Variants in USP44 observed in about 807,000 individuals in gnomAD.
USP44 encodes ubiquitin carboxyl-terminal hydrolase 44.
USP44 carries 61 observed loss-of-function variants against 69.0 expected under a neutral mutation model. The observed-to-expected ratio is 0.88, with a 90% confidence interval of 0.72 to 1.09. USP44 has a LOEUF of 1.09. Ranked by LOEUF, USP44 falls within the 50% of genes least tolerant of loss-of-function variation. The pLI, the probability that USP44 is intolerant of heterozygous loss-of-function variation, is 0.00. For missense variants in USP44, 753 were observed against 849.9 expected (o/e 0.89, Z 1.42); for synonymous variants, 297 against 295.4 (o/e 1.01, Z -0.06).
rs2076495957 is a variant in USP44 at position 95,517,090 on chromosome 12, CTT to C, written c.*1062_*1063del. ...TTTTTGTGCAAGTTTAGATAGATAG[CTT>C]TTAGTTTTTTTTTTTTTTTTTAATG... On this transcript the variant is annotated 3_prime_UTR_variant, in exon 6 of 6. Coordinates refer to ENST00000258499, the MANE Select transcript of USP44 (RefSeq NM_032147.5). The C allele has an allele frequency of 6.9e-6, 1 of 145,676 alleles. No homozygotes were observed. The highest frequency in any genetic ancestry group is 6.9e-5 in the Admixed American group (1 of 14,574). 9.0% of individuals were successfully genotyped at this position (145,676 alleles called of 1,614,324 possible).
rs1159899125 is a variant in USP44 at position 95,532,903 on chromosome 12, T to A, written c.1354A>T (p.Thr452Ser). Residue 452 changes from threonine to serine, a missense_variant, in exon 2 of 6, where the codon ACT becomes TCT. Transcript: ENST00000258499. ...TGTTTGATGAGTTTCCTTTGAGAAG[T>A]GGGGATAAGAGCTGGTAAACTGGTA... ...TGTSLPALIP[T>S]SQRKLIKQVL... 6.2e-7 allele frequency: 1 copy of A among 1,612,790 alleles called. No individual in the cohort carries two copies. Among genetic ancestry groups the A allele is most frequent in the Non-Finnish European group, 8.5e-7 (1 of 1,179,682 alleles).
At chr12:95,525,206 G>T (rs982601386) in intron 3 of USP44, among the ~76,000 whole-genome samples, 2 of 152,070 alleles carry the variant, frequency 1.3e-5, no homozygotes, top group Non-Finnish European at 1.5e-5. Flanking sequence ...CATGTAACTG[G>T]GACTATAGGT....
At chr12:95,551,143 C>T (rs567601933) in intron 1 of USP44, 129 bp downstream of exon 1, 1 of 152,154 alleles carries the variant, frequency 6.6e-6, no homozygotes, top group Admixed American at 6.5e-5. Flanking sequence ...TCATTCTTCT[C>T]CTTAAATTTT....
intron 1 of USP44, among the ~76,000 whole-genome samples, chr12:95,549,388 C>G (rs1197063883): frequency 6.6e-6 from 1 of 152,050 alleles, no homozygotes; most frequent in Non-Finnish European, 1.5e-5. Flanking sequence ...TCTAGAACTG[C>G]CTAACCCGAA....
chr12:95,539,710 T>A (rs946686888), intron 1 of USP44, among the ~76,000 whole-genome samples: 1 of 152,234 alleles, frequency 6.6e-6, no homozygotes, highest in African/African-American at 2.4e-5. Flanking sequence ...GCATGCATTT[T>A]AAAAATTCCC....
rs2076498590 is a variant in USP44 at position 95,517,127 on chromosome 12, AGT to A, written c.*1025_*1026del. ...TTTTTTTTTTTTAATGCTCAGGGCC[AGT>A]GTTTTAAGAGGCTCCTACCTAGTAG... is the stretch of plus-strand genomic sequence containing the variant. On this transcript the variant is annotated 3_prime_UTR_variant, in exon 6 of 6. Transcript: ENST00000258499. 1 of 148,056 alleles carries A rather than the reference AGT, an allele frequency of 6.8e-6. No homozygotes were observed. The highest frequency in any genetic ancestry group is 2.5e-5 in the African/African-American group (1 of 39,718). The allele number at this position is 148,056 out of a possible 1,614,324, so 9.2% of individuals were successfully genotyped here. A position where few individuals can be genotyped will look rare whatever the true frequency, so the allele number is the denominator to read the frequency against.
intron 2 of USP44, 28 bp downstream of exon 2, chr12:95,532,801 T>C: frequency 6.5e-7 from 1 of 1,533,302 alleles, no homozygotes; most frequent in Non-Finnish European, 8.8e-7. Context: ...CTCCCAATGA[T>C]GAAAATAAGA....
intron 4 of USP44, among the ~76,000 whole-genome samples, chr12:95,523,047 T>G (rs920405202): frequency 3.3e-5 from 5 of 152,100 alleles, no homozygotes; most frequent in African/African-American, 1.2e-4. Flanking sequence ...TAGCTAACCA[T>G]GCTGAAGTCC....
chr12:95,535,560 C>T (rs1221813615), intron 1 of USP44: 1 of 152,142 alleles, frequency 6.6e-6, no homozygotes, highest in Admixed American at 6.5e-5. Context: ...TACATTCTAG[C>T]AGGCCTAAAC....
In USP44 at chr12:95,516,635, T is replaced by C. The variant is rs1433550395; in HGVS notation, c.*1519A>G. 6.6e-6 allele frequency: 1 copy of C among 152,210 alleles called. No homozygotes were observed. Among genetic ancestry groups the C allele is most frequent in the Non-Finnish European group, 1.5e-5 (1 of 68,038 alleles). 9.4% of individuals were successfully genotyped at this position (152,210 alleles called of 1,614,324 possible). ...TTGAGGTAACAACTTGCATAGGTAT[T>C]ATGAACAATTTTAAACATAGCCATT... On this transcript the variant is annotated 3_prime_UTR_variant, in exon 6 of 6. Coordinates refer to ENST00000258499, the MANE Select transcript of USP44 (RefSeq NM_032147.5).
At chr12:95,526,682 T>C (rs535142930) in intron 3 of USP44, among the ~76,000 whole-genome samples, 1 of 152,224 alleles carries the variant, frequency 6.6e-6, no homozygotes, top group Non-Finnish European at 1.5e-5. Context: ...TCAATTGATA[T>C]AACATTTCTT....
intron 1 of USP44, among the ~76,000 whole-genome samples, chr12:95,540,264 CT>C (rs1187127120): frequency 1.3e-5 from 2 of 152,008 alleles, no homozygotes; most frequent in African/African-American, 4.8e-5. Context: ...GTATTTTTCT[CT>C]AACAGATACT....
chr12:95,530,646 T>TATAGGTAGATAG (rs1555199778), intron 2 of USP44, among the ~76,000 whole-genome samples: 2 of 147,336 alleles, frequency 1.4e-5, no homozygotes, highest in African/African-American at 5.0e-5. Flanking sequence ...CTACTGGAAA[T>TATAGGTAGATAG]ATAGATAGAT....
chr12:95,525,211 A>T (rs939411814), intron 3 of USP44, among the ~76,000 whole-genome samples: 3 of 152,286 alleles, frequency 2.0e-5, no homozygotes, highest in Non-Finnish European at 2.9e-5. Flanking sequence ...AACTGGGACT[A>T]TAGGTGCGTG....
chr12:95,550,183 G>GAAAAAAAAAAAAAAAAAAAAA (rs570350053), intron 1 of USP44, among the ~76,000 whole-genome samples: 1 of 93,356 alleles, frequency 1.1e-5, no homozygotes, highest in Non-Finnish European at 2.2e-5. Flanking sequence ...CTCCGTCTCA[G>GAAAAAAAAAAAAAAAAAAAAA]AAAAAAAAAA....
intron 2 of USP44, among the ~76,000 whole-genome samples, chr12:95,530,690 G>GATAGATAT (rs1386925883): frequency 1.4e-5 from 2 of 148,130 alleles, no homozygotes; most frequent in East Asian, 3.9e-4. Flanking sequence ...TAGATAGATA[G>GATAGATAT]ATATAAAAGA....
Position 95,518,101 on chromosome 12 carries a change from C to CT in USP44, c.*52dup. On this transcript the variant is annotated 3_prime_UTR_variant, in exon 6 of 6. Transcript: ENST00000258499. Reference sequence around the variant, plus strand: ...ATGAAGTTTAAAATGGTACATCAGTCTTTTAAAAAGTATATATATAAATCA... The same window carrying CT: ...ATGAAGTTTAAAATGGTACATCAGTCTTTTTAAAAAGTATATATATAAATCA... The CT allele has an allele frequency of 6.3e-7, 1 of 1,576,046 alleles. No homozygotes were observed. Among genetic ancestry groups the CT allele is most frequent in the Non-Finnish European group, 8.7e-7 (1 of 1,154,018 alleles).
In USP44 at chr12:95,541,477, G is replaced by C. The variant is rs192084872; in HGVS notation, c.-70-7151C>G. On this transcript the variant is annotated intron_variant, in intron 1 of 5. Transcript: ENST00000258499. ...GCCTATAAGCCCAGCTACTCGGGGG[G>C]CTGAGGTGGGAGGATCACCTAAGCA... 4.6e-4 allele frequency among the ~76,000 whole-genome samples: 70 copies of C among 152,128 alleles called. No homozygotes were observed. The East Asian group carries it at 0.012, about 26-fold the overall frequency.
chr12:95,543,042 C>G (rs1235391190), intron 1 of USP44, among the ~76,000 whole-genome samples: 3 of 145,094 alleles, frequency 2.1e-5, no homozygotes, highest in East Asian at 2.1e-4. Context: ...AAGCCTAGAT[C>G]GCACCACTGC....
Sources: allele counts gnomAD v4.1 joint callset (sites outside exome capture counted in the v4.1 genomes callset), GRCh38; gene constraint gnomAD v4.1.1; transcripts MANE v1.5; gene names NCBI Gene and HGNC (gene_info 2026-07-23, HGNC 2026-07-21).